The following ETV5 variants were observed in gnomAD, a reference collection of about 807,000 sequenced individuals.
ETV5 encodes the protein ETS translocation variant 5.
Under a neutral mutation model 70.0 loss-of-function variants are expected in ETV5, and 10 were observed. The ratio of observed to expected loss-of-function variants is 0.14; its 90% CI spans 0.09 to 0.24. The LOEUF (loss-of-function observed/expected upper bound fraction) is 0.24. Ranked by LOEUF, ETV5 falls within the 10% of genes least tolerant of loss-of-function variation. ETV5 has a pLI of 1.00. For synonymous variants in ETV5, 216 were observed against 242.2 expected (o/e 0.89, Z 1.01); for missense variants, 453 against 651.2 (o/e 0.70, Z 3.31).
chr3:186,054,952 C>T lies in ETV5; in HGVS notation c.1209+2123G>A, dbSNP rs2150141671. ...AAGGTGGGGTGGAAAGCACCATTTCCTGAAGAAACAAAGCTGCCCGGTCAA... is the reference window on the plus strand; with the variant it reads ...AAGGTGGGGTGGAAAGCACCATTTCTTGAAGAAACAAAGCTGCCCGGTCAA... On this transcript the variant is annotated intron_variant, in intron 11 of 12. Transcript: ENST00000306376. This position sits in a 1 kb window ranked among gnomAD's most constrained non-coding sequence, Gnocchi z 4.4. Among the ~76,000 whole-genome samples, 1 of 152,322 alleles carries T rather than the reference C, an allele frequency of 6.6e-6. No individual in the cohort carries two copies. Among genetic ancestry groups the T allele is most frequent in the Middle Eastern group, 3.4e-3 (1 of 294 alleles).
chr3:186,104,560 C>T (rs1714541995), intron 5 of ETV5, among the ~76,000 whole-genome samples: 1 of 152,038 alleles, frequency 6.6e-6, no homozygotes, highest in African/African-American at 2.4e-5. Flanking sequence ...TTTCCATTAA[C>T]TATTTTCTGC....
At chr3:186,071,406 G>C (rs1207480258) in intron 7 of ETV5, among the ~76,000 whole-genome samples, 1 of 152,212 alleles carries the variant, frequency 6.6e-6, no homozygotes, top group Non-Finnish European at 1.5e-5. Context: ...CTGTGGCTGT[G>C]AAGTCAGAAC....
In ETV5 at chr3:186,078,200, A is replaced by G. The variant is rs979622442; in HGVS notation, c.650+1617T>C. ...CAACTCAGTTAACTGTTAATACAGTATGTTACATAAGCCCCTTGGATAAAA... is the reference window on the plus strand; with the variant it reads ...CAACTCAGTTAACTGTTAATACAGTGTGTTACATAAGCCCCTTGGATAAAA... On this transcript the variant is annotated intron_variant, in intron 7 of 12. Coordinates refer to ENST00000306376, the MANE Select transcript of ETV5 (RefSeq NM_004454.3). 18 of 1,050,992 alleles carry G rather than the reference A, an allele frequency of 1.7e-5. No homozygotes were observed. In the African/African-American group the frequency reaches 2.8e-4, roughly 16 times the overall value. 65.1% of individuals were successfully genotyped at this position (1,050,992 alleles called of 1,614,324 possible). A position where few individuals can be genotyped will look rare whatever the true frequency, so the allele number is the denominator to read the frequency against.
chr3:186,091,304 T>C (rs1714177460), intron 5 of ETV5, among the ~76,000 whole-genome samples: 1 of 152,164 alleles, frequency 6.6e-6, no homozygotes, highest in Non-Finnish European at 1.5e-5. Flanking sequence ...TTAATCATGG[T>C]GGTGGAAGGG....
chr3:186,053,217 T>C (rs1713075383), intron 11 of ETV5, among the ~76,000 whole-genome samples: 1 of 152,180 alleles, frequency 6.6e-6, no homozygotes, highest in Non-Finnish European at 1.5e-5. Context: ...TTCTCCTGCC[T>C]CAGTCTCCTG....
chr3:186,066,315 T>C (rs376001989), intron 7 of ETV5, among the ~76,000 whole-genome samples: 4 of 150,272 alleles, frequency 2.7e-5, no homozygotes, highest in African/African-American at 9.8e-5. Context: ...TTATCTTCCA[T>C]GTATGTATAT....
rs1168162133 is a variant in ETV5 at position 186,047,617 on chromosome 3, G to A, written c.*1022C>T. On this transcript the variant is annotated 3_prime_UTR_variant, in exon 13 of 13. Coordinates refer to ENST00000306376, the MANE Select transcript of ETV5 (RefSeq NM_004454.3). ...CACTTCAAAAATGTACAACTCAGGT[G>A]CAAATGTTCCATCAGGTTGTCTGGT... 3 of 232,548 alleles carry A rather than the reference G, an allele frequency of 1.3e-5. No homozygotes were observed. The highest frequency in any genetic ancestry group is 4.4e-5 in the African/African-American group (2 of 45,242). 14.4% of individuals were successfully genotyped at this position (232,548 alleles called of 1,614,324 possible).
Position 186,064,914 on chromosome 3 carries a change from C to T in ETV5, c.911-438G>A, listed in dbSNP as rs184010624. 5.3e-5 allele frequency among the ~76,000 whole-genome samples: 8 copies of T among 152,192 alleles called. No homozygotes were observed. In the East Asian group the frequency reaches 1.5e-3, roughly 29 times the overall value. ...TTTGCTCCCCTTTACTGCTGGTGGT[C>T]ACATCTAATTTTGCTCCAACAGGTG... On this transcript the variant is annotated intron_variant, in intron 8 of 12. Transcript: ENST00000306376.
chr3:186,096,577 C>CT (rs1385253569), intron 5 of ETV5, among the ~76,000 whole-genome samples: 1 of 151,872 alleles, frequency 6.6e-6, no homozygotes, highest in African/African-American at 2.4e-5. Flanking sequence ...CAGGCCTGTT[C>CT]TTTTTTTAAT....
chr3:186,076,317 T>A (rs1195575622), intron 7 of ETV5: 1 of 201,952 alleles, frequency 5.0e-6, no homozygotes, highest in Non-Finnish European at 1.0e-5. Context: ...GAGATGGGGG[T>A]CTCACTGTGT....
At chr3:186,104,180 C>A (rs892450390) in intron 5 of ETV5, among the ~76,000 whole-genome samples, 1 of 152,198 alleles carries the variant, frequency 6.6e-6, no homozygotes, top group African/African-American at 2.4e-5. Flanking sequence ...TGCTCATTCG[C>A]CAGTGACTAA....
chr3:186,069,429 C>T (rs1280443238), intron 7 of ETV5, among the ~76,000 whole-genome samples: 2 of 151,096 alleles, frequency 1.3e-5, no homozygotes, highest in South Asian at 2.1e-4. Context: ...TTACACTTGA[C>T]GTTTAGAACA....
intron 7 of ETV5, among the ~76,000 whole-genome samples, chr3:186,073,348 C>T (rs1332944787): frequency 1.3e-5 from 2 of 152,170 alleles, no homozygotes; most frequent in Non-Finnish European, 2.9e-5. Flanking sequence ...TTACTGAACA[C>T]CTCTGTCCAA....
At chr3:186,079,747 T>A (rs1713884388) in intron 7 of ETV5, 70 bp downstream of exon 7, 1 of 1,486,894 alleles carries the variant, frequency 6.7e-7, no homozygotes. Context: ...ACAAACTGCT[T>A]CCCCTCTCCC....
chr3:186,048,621 A>T lies in ETV5; in HGVS notation c.*18T>A. Reference sequence around the variant, plus strand: ...GAACTGCTAGCTCTAGGGTTTGGCCACTCCGCCACTCAGAAACTTAGTAAG... The same window carrying T: ...GAACTGCTAGCTCTAGGGTTTGGCCTCTCCGCCACTCAGAAACTTAGTAAG... On this transcript the variant is annotated 3_prime_UTR_variant, in exon 13 of 13. Transcript: ENST00000306376. 3 of 1,611,580 alleles carry T rather than the reference A, an allele frequency of 1.9e-6. No homozygotes were observed. The highest frequency in any genetic ancestry group is 2.5e-6 in the Non-Finnish European group (3 of 1,177,798).
At chr3:186,077,927 T>C (rs1713836075) in intron 7 of ETV5, 2 of 900,374 alleles carry the variant, frequency 2.2e-6, no homozygotes, top group African/African-American at 1.7e-5. Context: ...AGGCAGAGTA[T>C]AACAAGAAGT....
At chr3:186,066,210 C>G in intron 7 of ETV5, 138 bp from the exon 8 acceptor site, 1 of 404,254 alleles carries the variant, frequency 2.5e-6, no homozygotes, top group Non-Finnish European at 3.6e-6. Flanking sequence ...GGCATTTTAC[C>G]CTCTTCCCAA....
rs563165292 is a variant in ETV5, at chr3:186,055,188, C to T, written c.1209+1887G>A. 1.9e-4 allele frequency among the ~76,000 whole-genome samples: 29 copies of T among 152,296 alleles called. No homozygotes were observed. The East Asian group carries it at 1.9e-3, about 10-fold the overall frequency. Reference sequence around the variant, plus strand: ...ATAACCAGGTTTACCTGCAGCTGGACGGCCTGTGCTTAGGCCCGAGGCAGT... The same window carrying T: ...ATAACCAGGTTTACCTGCAGCTGGATGGCCTGTGCTTAGGCCCGAGGCAGT... On this transcript the variant is annotated intron_variant, in intron 11 of 12. Coordinates refer to ENST00000306376, the MANE Select transcript of ETV5 (RefSeq NM_004454.3).
chr3:186,050,068 T>C (rs1234523901), intron 12 of ETV5, among the ~76,000 whole-genome samples: 1 of 152,210 alleles, frequency 6.6e-6, no homozygotes, highest in East Asian at 1.9e-4. Context: ...ATGTAACAAA[T>C]AAAATAATAA....
Sources: gnomAD v4.1 joint callset for allele counts (sites outside exome capture counted in the v4.1 genomes callset) on GRCh38, gnomAD v4.1.1 for gene constraint, Gnocchi (gnomAD v3.1) non-coding constraint, MANE v1.5 for transcripts, NCBI Gene and HGNC (gene_info 2026-07-23, HGNC 2026-07-21) for gene names.